The following ROBO1 variants were observed in gnomAD, a reference collection of about 807,000 sequenced individuals.
ROBO1 encodes the protein roundabout guidance receptor 1, also known as roundabout homolog 1.
A neutral mutation model predicts 195.9 loss-of-function variants in ROBO1; 149 were observed. The observed-to-expected ratio is 0.76, with a 90% confidence interval of 0.67 to 0.87. The LOEUF (loss-of-function observed/expected upper bound fraction) is 0.87, where lower values mean the gene tolerates loss of function less well. Ranked by LOEUF, ROBO1 falls within the 40% of genes least tolerant of loss-of-function variation. The pLI is 0.00. For missense variants in ROBO1, 1,933 were observed against 2,068.3 expected, an observed-to-expected ratio of 0.93 and a Z score of 1.27; for synonymous variants, 816 against 733.2, an observed-to-expected ratio of 1.11 and a Z score of -1.82.
chr3:79,457,626 T>C (rs186691259), intron 2 of ROBO1, among the ~76,000 whole-genome samples: 1 of 152,196 alleles, frequency 6.6e-6, no homozygotes, highest in East Asian at 1.9e-4. Context: ...AACTGAATCA[T>C]GGGGGCAGGT....
intron 4 of ROBO1, among the ~76,000 whole-genome samples, chr3:78,879,779 T>A (rs1218257469): frequency 2.6e-5 from 4 of 152,170 alleles, no homozygotes; most frequent in African/African-American, 9.7e-5. Context: ...TTCCTTGATG[T>A]GCATGCCTGC....
At chr3:79,319,384 G>A (rs1330684160) in intron 2 of ROBO1, among the ~76,000 whole-genome samples, 1 of 151,942 alleles carries the variant, frequency 6.6e-6, no homozygotes, top group Non-Finnish European at 1.5e-5. Flanking sequence ...TTAAAAAGTT[G>A]AGCTAAAAAT....
intron 1 of ROBO1, among the ~76,000 whole-genome samples, chr3:79,671,162 C>T (rs868072373): frequency 6.6e-6 from 1 of 151,750 alleles, no homozygotes; most frequent in Non-Finnish European, 1.5e-5. Context: ...CTGTAACATG[C>T]TCATTGGGTG....
chr3:79,371,437 G>T (rs770686867), intron 2 of ROBO1, among the ~76,000 whole-genome samples: 1 of 152,100 alleles, frequency 6.6e-6, no homozygotes, highest in Non-Finnish European at 1.5e-5. Flanking sequence ...TGAAGGTAAT[G>T]TGTAGTTATA....
At chr3:78,719,063 T>A (rs889347431) in intron 5 of ROBO1, among the ~76,000 whole-genome samples, 12 of 152,196 alleles carry the variant, frequency 7.9e-5, no homozygotes, top group Non-Finnish European at 8.8e-5. Context: ...CTTTAAATAT[T>A]AGAGGAAACA....
intron 2 of ROBO1, among the ~76,000 whole-genome samples, chr3:79,555,987 T>C (rs931809873): frequency 3.9e-5 from 6 of 152,140 alleles, no homozygotes; most frequent in Admixed American, 3.9e-4. Flanking sequence ...AATATGTGCT[T>C]CTTTGTTATA....
chr3:79,328,799 CT>C (rs2034320775), intron 2 of ROBO1, among the ~76,000 whole-genome samples: 1 of 151,962 alleles, frequency 6.6e-6, no homozygotes, highest in Non-Finnish European at 1.5e-5. Context: ...CGTCACCCCC[CT>C]CCCATCTTTC....
rs181243721 is a variant in ROBO1, at chr3:79,722,070, T to A, written c.-51+45682A>T. On this transcript the variant is annotated intron_variant, in intron 1 of 30. Coordinates refer to ENST00000464233, the MANE Select transcript of ROBO1 (RefSeq NM_002941.4). ...GACATCACTGGGCAAGTCAGGAAGA[T>A]GTTTTTATTGTTTTTCATTGGGAAA... 3.3e-3 allele frequency among the ~76,000 whole-genome samples: 506 copies of A among 152,332 alleles called. 1 individual carries two copies. Among genetic ancestry groups the A allele is most frequent in the Non-Finnish European group, 5.6e-3 (384 of 68,012 alleles).
intron 5 of ROBO1, among the ~76,000 whole-genome samples, chr3:78,737,812 G>C (rs1157582222): frequency 6.6e-6 from 1 of 151,948 alleles, no homozygotes; most frequent in Non-Finnish European, 1.5e-5. Context: ...AATTTATTTT[G>C]GAAAATAAAT....
chr3:78,987,583 T>C (rs1309340362), intron 3 of ROBO1, among the ~76,000 whole-genome samples: 1 of 152,098 alleles, frequency 6.6e-6, no homozygotes, highest in African/African-American at 2.4e-5. Context: ...TCTCTGGTCT[T>C]TGCCTTCATA....
intron 2 of ROBO1, among the ~76,000 whole-genome samples, chr3:79,584,253 A>T (rs1175915825): frequency 6.9e-6 from 1 of 144,590 alleles, no homozygotes; most frequent in Non-Finnish European, 1.5e-5. Flanking sequence ...AGGTACATGT[A>T]ATATATATAT....
chr3:78,924,772 C>G lies in ROBO1; in HGVS notation c.499+13829G>C, dbSNP rs546039664. Among the ~76,000 whole-genome samples, 3 of 152,204 alleles carry G rather than the reference C, an allele frequency of 2.0e-5. No homozygotes were observed. In the South Asian group the frequency reaches 6.2e-4, roughly 32 times the overall value. On this transcript the variant is annotated intron_variant, in intron 4 of 30. Transcript: ENST00000464233. ...AGGAAGCAAGCTGCAATGGCAAAGG[C>G]TGTGACATTCTAGTTTCTGAATTTT...
chr3:78,884,759 GA>G (rs779442322), intron 4 of ROBO1, among the ~76,000 whole-genome samples: 60 of 151,344 alleles, frequency 4.0e-4, no homozygotes, highest in South Asian at 4.2e-4. Context: ...AAGAAAGAAA[GA>G]AAGAAAATTT....
At chr3:79,724,710 G>A (rs1702843281) in intron 1 of ROBO1, among the ~76,000 whole-genome samples, 1 of 152,174 alleles carries the variant, frequency 6.6e-6, no homozygotes, top group East Asian at 1.9e-4. Context: ...TTGCAGCCCT[G>A]TGAGTGAACA....
chr3:79,594,834 A>T (rs1399378512), intron 1 of ROBO1, among the ~76,000 whole-genome samples: 1 of 152,056 alleles, frequency 6.6e-6, no homozygotes, highest in Non-Finnish European at 1.5e-5. Context: ...CCTCCAGGGT[A>T]ATGACGGAAC....
In ROBO1 at chr3:79,264,135, C is replaced by G. The variant is rs76024859; in HGVS notation, c.89-138596G>C. Among the ~76,000 whole-genome samples, 117 of 152,066 alleles carry G rather than the reference C, an allele frequency of 7.7e-4. 1 individual carries two copies. The highest frequency in any genetic ancestry group is 2.7e-3 in the African/African-American group (114 of 41,512). Reference sequence around the variant, plus strand: ...GATGATGTTAGTCCAAGCTTTGTACCATGGCCTTATTTGAACATACAGAAC... The same window carrying G: ...GATGATGTTAGTCCAAGCTTTGTACGATGGCCTTATTTGAACATACAGAAC... On this transcript the variant is annotated intron_variant, in intron 2 of 30. Coordinates refer to ENST00000464233, the MANE Select transcript of ROBO1 (RefSeq NM_002941.4).
intron 2 of ROBO1, among the ~76,000 whole-genome samples, chr3:79,568,288 A>G (rs550092936): frequency 6.6e-6 from 1 of 152,314 alleles, no homozygotes; most frequent in South Asian, 2.1e-4. Context: ...AACCGTCTAT[A>G]GAGTACCCTT....
intron 2 of ROBO1, among the ~76,000 whole-genome samples, chr3:79,262,363 T>A (rs1420761838): frequency 6.6e-6 from 1 of 152,044 alleles, no homozygotes; most frequent in East Asian, 1.9e-4. Context: ...AATAAAGATA[T>A]TTTGGTAGAT....
intron 4 of ROBO1, among the ~76,000 whole-genome samples, chr3:78,887,457 T>A (rs2036633117): frequency 6.6e-6 from 1 of 152,172 alleles, no homozygotes; most frequent in Non-Finnish European, 1.5e-5. Context: ...TAAGAAGATT[T>A]CCCAGAAATG....
Sources: gnomAD v4.1 joint callset for allele counts (sites outside exome capture counted in the v4.1 genomes callset) on GRCh38, gnomAD v4.1.1 for gene constraint, MANE v1.5 for transcripts, NCBI Gene and HGNC (gene_info 2026-07-23, HGNC 2026-07-21) for gene names.